Variants in TBCK observed in about 807,000 individuals in gnomAD.
TBCK encodes the protein TBC1 domain containing kinase, also known as TBC domain-containing protein kinase-like protein.
Under a neutral mutation model 113.4 loss-of-function variants are expected in TBCK, and 99 were observed. The ratio of observed to expected loss-of-function variants is 0.87; its 90% CI spans 0.74 to 1.03. The LOEUF is 1.03. Ranked by LOEUF, TBCK falls within the 50% of genes least tolerant of loss-of-function variation. TBCK has a pLI of 0.00. For synonymous variants in TBCK, 369 were observed against 370.8 expected, an observed-to-expected ratio of 1.00 and a Z score of 0.05; for missense variants, 1,045 against 1,061.3, an observed-to-expected ratio of 0.98 and a Z score of 0.21.
chr4:106,222,234 A>G (rs1757782157), intron 19 of TBCK, among the ~76,000 whole-genome samples: 1 of 152,076 alleles, frequency 6.6e-6, no homozygotes, highest in South Asian at 2.1e-4. Flanking sequence ...CCAATGAAAT[A>G]TAAAATGAAA....
intron 25 of TBCK, among the ~76,000 whole-genome samples, chr4:106,057,863 T>C (rs896725504): frequency 6.6e-6 from 1 of 151,772 alleles, no homozygotes; most frequent in African/African-American, 2.4e-5. Flanking sequence ...CTAACAAGAC[T>C]GAAAGTTTTA....
chr4:106,192,954 A>C (rs1753819065), intron 22 of TBCK, among the ~76,000 whole-genome samples: 1 of 152,150 alleles, frequency 6.6e-6, no homozygotes, highest in South Asian at 2.1e-4. Flanking sequence ...CTGCAAAAAT[A>C]TAGATTTAGT....
chr4:106,171,593 A>C (rs988419441), intron 22 of TBCK, among the ~76,000 whole-genome samples: 9 of 151,912 alleles, frequency 5.9e-5, no homozygotes, highest in Non-Finnish European at 1.2e-4. Flanking sequence ...AGAATAGAAC[A>C]CATCTCCTTA....
At chr4:106,089,469 C>T (rs906124028) in intron 25 of TBCK, among the ~76,000 whole-genome samples, 3 of 152,178 alleles carry the variant, frequency 2.0e-5, no homozygotes, top group Non-Finnish European at 2.9e-5. Context: ...TTATGTCCTC[C>T]TCACATATCA....
At chr4:106,052,007 T>A (rs539483842) in intron 25 of TBCK, among the ~76,000 whole-genome samples, 7 of 151,884 alleles carry the variant, frequency 4.6e-5, no homozygotes, top group Non-Finnish European at 8.8e-5. Flanking sequence ...AATGTCACTT[T>A]TTGTTTCAAT....
At chr4:106,288,393 CA>C (rs929829007) in intron 3 of TBCK, among the ~76,000 whole-genome samples, 72 of 140,220 alleles carry the variant, frequency 5.1e-4, no homozygotes, top group East Asian at 2.1e-3. Flanking sequence ...GACTCCGTCT[CA>C]AAAAAAAAAA....
intron 22 of TBCK, chr4:106,182,637 T>C (rs900520431): frequency 3.9e-5 from 6 of 152,154 alleles, no homozygotes; most frequent in African/African-American, 1.4e-4. Context: ...CATGTGGTTT[T>C]TGTCATTGGT....
intron 20 of TBCK, among the ~76,000 whole-genome samples, chr4:106,195,437 G>A (rs1754101839): frequency 1.3e-5 from 2 of 151,386 alleles, no homozygotes; most frequent in Non-Finnish European, 2.9e-5. Context: ...AGATCCTTGT[G>A]TTAGTTAATT....
intron 22 of TBCK, among the ~76,000 whole-genome samples, chr4:106,189,527 A>G (rs1000975962): frequency 2.0e-5 from 3 of 151,930 alleles, no homozygotes; most frequent in Non-Finnish European, 2.9e-5. Flanking sequence ...TTCACAAATC[A>G]TTTCTCCATC....
intron 1 of TBCK, among the ~76,000 whole-genome samples, chr4:106,314,672 T>C (rs969914497): frequency 7.7e-5 from 11 of 143,572 alleles, no homozygotes; most frequent in African/African-American, 2.9e-4. Flanking sequence ...TCATCAAGGC[T>C]GGAGTGCAGT....
At chr4:106,252,860 T>C (rs1171862885) in intron 5 of TBCK, among the ~76,000 whole-genome samples, 1 of 152,156 alleles carries the variant, frequency 6.6e-6, no homozygotes, top group East Asian at 1.9e-4. Context: ...TGTATCAATT[T>C]ATATTGTCAT....
intron 25 of TBCK, among the ~76,000 whole-genome samples, chr4:106,085,242 G>A (rs1450918240): frequency 6.6e-6 from 1 of 151,538 alleles, no homozygotes; most frequent in Non-Finnish European, 1.5e-5. Context: ...ATAAAGGGAT[G>A]GAGGAAAATT....
intron 23 of TBCK, among the ~76,000 whole-genome samples, chr4:106,156,255 G>A (rs993362583): frequency 6.6e-6 from 1 of 152,094 alleles, no homozygotes; most frequent in Non-Finnish European, 1.5e-5. Flanking sequence ...GAGCCACCTA[G>A]AGCTTGGGGT....
intron 3 of TBCK, among the ~76,000 whole-genome samples, chr4:106,270,692 T>A (rs1024710692): frequency 6.6e-6 from 1 of 152,198 alleles, no homozygotes; most frequent in African/African-American, 2.4e-5. Context: ...ATGACTAATT[T>A]ATCACCCTAC....
chr4:106,099,116 C>T (rs1386973388), intron 24 of TBCK, among the ~76,000 whole-genome samples: 1 of 151,892 alleles, frequency 6.6e-6, no homozygotes, highest in Non-Finnish European at 1.5e-5. Flanking sequence ...GTACTTCAAT[C>T]AAACAGAAAA....
At chr4:106,215,261 A>T (rs1355968216) in intron 19 of TBCK, among the ~76,000 whole-genome samples, 2 of 152,180 alleles carry the variant, frequency 1.3e-5, no homozygotes, top group Non-Finnish European at 2.9e-5. Context: ...CTGCAAAATC[A>T]TGCCAAAATG....
chr4:106,244,590 TTTA>T, intron 11 of TBCK, 33 bp downstream of exon 11: 1 of 1,476,654 alleles, frequency 6.8e-7, no homozygotes, highest in South Asian at 1.3e-5. Context: ...CATGTATTTA[TTTA>T]TTTAAATTCC....
chr4:106,208,425 T>TA (rs1755775667), intron 20 of TBCK, among the ~76,000 whole-genome samples: 1 of 142,724 alleles, frequency 7.0e-6, no homozygotes, highest in African/African-American at 2.5e-5. Flanking sequence ...TTTTTTTTTT[T>TA]AGCTTTTTTT....
chr4:106,072,962 C>T (rs1737665972), intron 25 of TBCK, among the ~76,000 whole-genome samples: 1 of 152,164 alleles, frequency 6.6e-6, no homozygotes, highest in African/African-American at 2.4e-5. Flanking sequence ...CACTTAAGGT[C>T]TTCTCTACAC....
Sources: allele counts gnomAD v4.1 joint callset (sites outside exome capture counted in the v4.1 genomes callset), GRCh38; gene constraint gnomAD v4.1.1; transcripts MANE v1.5; gene names NCBI Gene and HGNC (gene_info 2026-07-23, HGNC 2026-07-21).